The following PRKACB variants were observed in gnomAD, a reference collection of about 807,000 sequenced individuals.
PRKACB encodes the protein protein kinase cAMP-activated catalytic subunit beta.
Under a neutral mutation model 51.4 loss-of-function variants are expected in PRKACB, and 16 were observed. The observed-to-expected ratio is 0.31, with a 90% confidence interval of 0.21 to 0.47. The LOEUF is 0.47. PRKACB is among the 20% of genes least tolerant of loss of function. PRKACB has a pLI of 1.00. For missense variants in PRKACB, 309 were observed against 464.5 expected, an observed-to-expected ratio of 0.67 and a Z score of 3.08; for synonymous variants, 147 against 154.4, an observed-to-expected ratio of 0.95 and a Z score of 0.35.
intron 1 of PRKACB, among the ~76,000 whole-genome samples, chr1:84,105,050 G>A (rs1052840585): frequency 4.5e-4 from 68 of 152,166 alleles, no homozygotes; most frequent in African/African-American, 1.5e-3. Flanking sequence ...AAAAAAAATC[G>A]TTTTCTTAAA....
intron 1 of PRKACB, among the ~76,000 whole-genome samples, chr1:84,145,419 CTCTT>C (rs1217696992): frequency 6.6e-6 from 1 of 152,090 alleles, no homozygotes; most frequent in Non-Finnish European, 1.5e-5. Context: ...TAGCGTTTGA[CTCTT>C]TCTGTTTATG....
intron 1 of PRKACB, among the ~76,000 whole-genome samples, chr1:84,155,772 T>C (rs1655421360): frequency 6.6e-6 from 1 of 152,206 alleles, no homozygotes; most frequent in Admixed American, 6.5e-5. Context: ...TTATTGTTAT[T>C]TAACAAGTAT....
intron 8 of PRKACB, among the ~76,000 whole-genome samples, chr1:84,211,374 T>A (rs1299487069): frequency 6.6e-6 from 1 of 152,172 alleles, no homozygotes; most frequent in African/African-American, 2.4e-5. Context: ...TAGATGTACT[T>A]CAAATAAATT....
intron 1 of PRKACB, among the ~76,000 whole-genome samples, chr1:84,104,933 G>T (rs559709163): frequency 5.6e-4 from 85 of 152,096 alleles, no homozygotes; most frequent in African/African-American, 1.8e-3. Flanking sequence ...ATATCTTTTT[G>T]ACTTAATTCT....
intron 2 of PRKACB, among the ~76,000 whole-genome samples, chr1:84,180,206 A>ATATATATATATATATATATATATG: frequency 7.9e-6 from 1 of 127,138 alleles, no homozygotes; most frequent in African/African-American, 2.8e-5. Context: ...ATATATATAT[A>ATATATATATATATATATATATATG]TATGTATGAT....
At chr1:84,087,678 G>GT (rs1553157927) in intron 1 of PRKACB, among the ~76,000 whole-genome samples, 2 of 152,028 alleles carry the variant, frequency 1.3e-5, no homozygotes, top group African/African-American at 4.8e-5. Flanking sequence ...ATCGAGGCTT[G>GT]TTTTTTTACT....
At chr1:84,211,211 T>C (rs775851917) in intron 8 of PRKACB, among the ~76,000 whole-genome samples, 6 of 152,132 alleles carry the variant, frequency 3.9e-5, no homozygotes, top group Non-Finnish European at 8.8e-5. Context: ...TTACATTATT[T>C]AGATGATTTT....
chr1:84,089,511 G>A (rs1001414657), intron 1 of PRKACB, among the ~76,000 whole-genome samples: 1 of 152,092 alleles, frequency 6.6e-6, no homozygotes, highest in Non-Finnish European at 1.5e-5. Context: ...GTGCCACTGT[G>A]TTTCTCATCC....
At chr1:84,137,740 C>T (rs1399286516) in intron 1 of PRKACB, among the ~76,000 whole-genome samples, 1 of 152,076 alleles carries the variant, frequency 6.6e-6, no homozygotes, top group African/African-American at 2.4e-5. Flanking sequence ...AACCTACCTA[C>T]CAGGTTAACA....
At chr1:84,205,394 A>T in intron 8 of PRKACB, 1 of 461,228 alleles carries the variant, frequency 2.2e-6, no homozygotes, top group Non-Finnish European at 2.9e-6. Flanking sequence ...AGTTTTTTAA[A>T]TTTTTTAAAT....
chr1:84,126,213 C>A (rs1651591006), intron 1 of PRKACB, among the ~76,000 whole-genome samples: 1 of 152,116 alleles, frequency 6.6e-6, no homozygotes, highest in Non-Finnish European at 1.5e-5. Context: ...AGGGTGACAG[C>A]CTTTTGCACC....
intron 9 of PRKACB, among the ~76,000 whole-genome samples, chr1:84,231,898 G>C (rs1339021428): frequency 6.6e-6 from 1 of 151,116 alleles, no homozygotes; most frequent in Non-Finnish European, 1.5e-5. Flanking sequence ...TTTTTTGAAG[G>C]GTTTTTTGTG....
chr1:84,086,788 C>T (rs1464105309), intron 1 of PRKACB, among the ~76,000 whole-genome samples: 5 of 152,170 alleles, frequency 3.3e-5, no homozygotes, highest in Non-Finnish European at 5.9e-5. Flanking sequence ...TCAGGGAGCC[C>T]CCTCCCAGCT....
intron 1 of PRKACB, chr1:84,165,071 G>C: frequency 7.6e-7 from 1 of 1,322,068 alleles, no homozygotes; most frequent in Non-Finnish European, 1.0e-6. Context: ...TTTATAAGAG[G>C]AAAAAATATT....
chr1:84,117,034 GT>G (rs1007963721), intron 1 of PRKACB, among the ~76,000 whole-genome samples: 5 of 147,558 alleles, frequency 3.4e-5, no homozygotes, highest in South Asian at 2.2e-4. Context: ...GGGATGTTGA[GT>G]TTTTTTTTTC....
intron 1 of PRKACB, among the ~76,000 whole-genome samples, chr1:84,162,686 C>T (rs1472224154): frequency 2.0e-5 from 3 of 151,840 alleles, no homozygotes; most frequent in Non-Finnish European, 2.9e-5. Flanking sequence ...TCATTACTGT[C>T]GTGTTTTCCT....
At chr1:84,085,049 G>T (rs116787647) in intron 1 of PRKACB, among the ~76,000 whole-genome samples, 1,751 of 152,246 alleles carry the variant, frequency 0.012, 50 homozygotes, top group African/African-American at 0.04. Flanking sequence ...TATACTAAAA[G>T]TTTAGCCTTT....
At chr1:84,158,959 A>G (rs533027811) in intron 1 of PRKACB, among the ~76,000 whole-genome samples, 36 of 152,254 alleles carry the variant, frequency 2.4e-4, no homozygotes, top group African/African-American at 8.4e-4. Context: ...GAAAGGGTTC[A>G]CTTCTGAATT....
intron 1 of PRKACB, among the ~76,000 whole-genome samples, chr1:84,116,134 G>A (rs912442057): frequency 1.3e-5 from 2 of 151,944 alleles, no homozygotes; most frequent in East Asian, 3.9e-4. Context: ...GCTCTTGTCA[G>A]GTTTGTCAAA....
Sources: gnomAD v4.1 joint callset for allele counts (sites outside exome capture counted in the v4.1 genomes callset) on GRCh38, gnomAD v4.1.1 for gene constraint, MANE v1.5 for transcripts, NCBI Gene and HGNC (gene_info 2026-07-23, HGNC 2026-07-21) for gene names.